The following TK2 variants were observed in gnomAD, a reference collection of about 807,000 sequenced individuals.
TK2 encodes thymidine kinase 2.
In TK2, 35 loss-of-function variants were observed where a neutral mutation model predicts 41.9. That is an observed-to-expected ratio of 0.84 (90% confidence interval 0.64 to 1.11). The LOEUF (loss-of-function observed/expected upper bound fraction) is 1.11. TK2 is among the 50% of genes least tolerant of loss of function. The pLI is 0.00. For missense variants in TK2, 320 were observed against 351.1 expected (o/e 0.91, Z 0.71); for synonymous variants, 128 against 129.1 (o/e 0.99, Z 0.06).
intron 2 of TK2, among the ~76,000 whole-genome samples, chr16:66,543,050 T>A (rs1339399051): frequency 6.6e-6 from 1 of 152,064 alleles, no homozygotes; most frequent in African/African-American, 2.4e-5. Flanking sequence ...TTTTTTGTAT[T>A]TTTAGTAGAG....
intron 2 of TK2, among the ~76,000 whole-genome samples, chr16:66,545,345 G>A (rs1965575248): frequency 6.6e-6 from 1 of 152,130 alleles, no homozygotes; most frequent in Non-Finnish European, 1.5e-5. Context: ...CCTCCACAGG[G>A]AGAATCCAAA....
intron 6 of TK2, among the ~76,000 whole-genome samples, chr16:66,523,756 G>A (rs1029280027): frequency 6.6e-6 from 1 of 152,174 alleles, no homozygotes; most frequent in Non-Finnish European, 1.5e-5. Flanking sequence ...TTGAATCTGG[G>A]AAGCAGAGGT....
In TK2 at chr16:66,517,144, T is replaced by C. The variant is rs1315106777; in HGVS notation, c.610A>G (p.Ile204Val). 6.2e-7 allele frequency: 1 copy of C among 1,614,162 alleles called. No homozygotes were observed. The highest frequency in any genetic ancestry group is 8.5e-7 in the Non-Finnish European group (1 of 1,180,018). ...KKRCREEEKVIPLEYLEAIHH... is the reference protein window; with the variant it reads ...KKRCREEEKVVPLEYLEAIHH... ...TCAAAGAGGCCTCTTACCAGCGGAATGACCTTCTCCTCTTCCCTGCATCTC... is the reference window on the plus strand; with the variant it reads ...TCAAAGAGGCCTCTTACCAGCGGAACGACCTTCTCCTCTTCCCTGCATCTC... The change falls in exon 8 of 10, where the codon ATT (isoleucine) becomes GTT (valine). Residue 204 changes from isoleucine (I) to valine (V), a missense_variant. Physicochemically the swap from Ile to Val is conservative, Grantham distance 29. Transcript: ENST00000544898. The surrounding 1 kb of genome is among the most constrained non-coding windows in gnomAD (Gnocchi z 4.3).
intron 2 of TK2, chr16:66,548,158 TCTC>T (rs754889783): frequency 1.7e-4 from 64 of 386,230 alleles, no homozygotes; most frequent in Middle Eastern, 3.7e-4. Flanking sequence ...GGCATATCCT[TCTC>T]CTAATTTCAA....
In TK2 at chr16:66,529,071, A is replaced by T; in HGVS notation, c.376-4T>A. On this transcript the variant is annotated splice_region_variant and splice_polypyrimidine_tract_variant and intron_variant, in intron 5 of 9. Transcript: ENST00000544898. ...CCATCAACCGTACAGATGACACCTAAAGGAAAACAAAAAGAGAATCACTAA... is the reference window on the plus strand; with the variant it reads ...CCATCAACCGTACAGATGACACCTATAGGAAAACAAAAAGAGAATCACTAA... 6.2e-7 allele frequency: 1 copy of T among 1,613,854 alleles called. No homozygotes were observed. The highest frequency in any genetic ancestry group is 1.1e-5 in the South Asian group (1 of 91,074).
rs1347155513 is a variant in TK2 at position 66,514,331 on chromosome 16, G to A, written c.619-520C>T. The stretch of plus-strand genomic sequence containing the variant: ...AGACGGGGTTTCGCTGTGTTGGCCG[G>A]GCTGGTCTCCAGCTCCTAACCGCGA... On this transcript the variant is annotated intron_variant, in intron 8 of 9. Transcript: ENST00000544898. This position sits in a 1 kb window ranked among gnomAD's most constrained non-coding sequence, Gnocchi z 4.2. 6.6e-6 allele frequency among the ~76,000 whole-genome samples: 1 copy of A among 152,222 alleles called. No homozygotes were observed. The highest frequency in any genetic ancestry group is 1.5e-5 in the Non-Finnish European group (1 of 68,026).
intron 4 of TK2, among the ~76,000 whole-genome samples, chr16:66,534,628 C>T (rs1030400361): frequency 6.6e-6 from 1 of 152,252 alleles, no homozygotes; most frequent in Non-Finnish European, 1.5e-5. Flanking sequence ...TCTGCAGCGC[C>T]TTCTGCCTAA....
chr16:66,516,716 T>C (rs1964625516), intron 8 of TK2, among the ~76,000 whole-genome samples: 1 of 152,176 alleles, frequency 6.6e-6, no homozygotes, highest in African/African-American at 2.4e-5. Flanking sequence ...TGCCGGGCAC[T>C]GTGCTAAGCA....
chr16:66,533,759 G>A (rs1009355298), intron 4 of TK2, among the ~76,000 whole-genome samples: 5 of 152,038 alleles, frequency 3.3e-5, no homozygotes, highest in Admixed American at 6.6e-5. Flanking sequence ...TGTAATCCCA[G>A]CACTCTGGGA....
intron 6 of TK2, among the ~76,000 whole-genome samples, chr16:66,523,938 T>C (rs1220096370): frequency 6.6e-6 from 1 of 152,106 alleles, no homozygotes; most frequent in African/African-American, 2.4e-5. Context: ...GTCCGGAGAG[T>C]GGCCAAGCTC....
intron 2 of TK2, 64 bp from the exon 3 acceptor site, chr16:66,542,017 A>C: frequency 6.4e-7 from 1 of 1,557,864 alleles, no homozygotes; most frequent in Non-Finnish European, 8.8e-7. Flanking sequence ...TCAGGGAATA[A>C]TGGCTACGGA....
intron 1 of TK2, 135 bp from the exon 2 acceptor site, chr16:66,549,144 C>T: frequency 2.0e-6 from 3 of 1,535,210 alleles, no homozygotes; most frequent in South Asian, 1.2e-5. Flanking sequence ...TTTTGGGCGC[C>T]CTCCGAGATT....
At chr16:66,541,522 C>T (rs1480262084) in intron 3 of TK2, among the ~76,000 whole-genome samples, 1 of 152,050 alleles carries the variant, frequency 6.6e-6, no homozygotes, top group Non-Finnish European at 1.5e-5. Context: ...ACCTCCTGGG[C>T]TTAAGCAATC....
chr16:66,513,512 C>T (rs1382588568), intron 9 of TK2, among the ~76,000 whole-genome samples: 1 of 152,096 alleles, frequency 6.6e-6, no homozygotes, highest in East Asian at 1.9e-4. Flanking sequence ...TGTGATGGCA[C>T]TGGCACAGAC....
intron 4 of TK2, 41 bp from the exon 5 acceptor site, chr16:66,531,510 T>A (rs1295235593): frequency 1.3e-6 from 2 of 1,594,600 alleles, no homozygotes; most frequent in South Asian, 1.1e-5. Flanking sequence ...CAAAGTGGCA[T>A]CTGCAGGAGG....
At chr16:66,543,316 G>A (rs1168055863) in intron 2 of TK2, among the ~76,000 whole-genome samples, 1 of 152,188 alleles carries the variant, frequency 6.6e-6, no homozygotes, top group Non-Finnish European at 1.5e-5. Context: ...TAAACATGAG[G>A]TGGCACCAGG....
At chr16:66,547,973 T>C in intron 2 of TK2, 1 of 1,289,012 alleles carries the variant, frequency 7.8e-7, no homozygotes, top group South Asian at 1.2e-5. Flanking sequence ...TGGCTCACAC[T>C]TGTCATCACA....
chr16:66,549,778 G>C, intron 1 of TK2, 160 bp downstream of exon 1: 2 of 1,283,726 alleles, frequency 1.6e-6, no homozygotes, highest in Non-Finnish European at 2.0e-6. Flanking sequence ...CTCGCGCCCG[G>C]GTAACGGCCG....
chr16:66,538,166 A>G (rs1965345721), intron 3 of TK2, among the ~76,000 whole-genome samples: 1 of 152,036 alleles, frequency 6.6e-6, no homozygotes, highest in African/African-American at 2.4e-5. Flanking sequence ...CCGTCTCTAA[A>G]AAGAAAAGAA....
Sources: gnomAD v4.1 joint callset for allele counts (sites outside exome capture counted in the v4.1 genomes callset) on GRCh38, gnomAD v4.1.1 for gene constraint, Gnocchi (gnomAD v3.1) non-coding constraint, MANE v1.5 for transcripts, NCBI Gene and HGNC (gene_info 2026-07-23, HGNC 2026-07-21) for gene names.